PTPRN2: variants seen among roughly 807,000 people sequenced by gnomAD.
PTPRN2 encodes receptor-type tyrosine-protein phosphatase N2.
Under a neutral mutation model 118.8 loss-of-function variants are expected in PTPRN2, and 74 were observed. The ratio of observed to expected loss-of-function variants is 0.62; its 90% CI spans 0.52 to 0.76. PTPRN2 has a LOEUF of 0.76. PTPRN2 is among the 30% of genes least tolerant of loss of function. PTPRN2 has a pLI of 0.00. For missense variants in PTPRN2, 1,481 were observed against 1,394.4 expected, an observed-to-expected ratio of 1.06 and a Z score of -0.99; for synonymous variants, 641 against 608.0, an observed-to-expected ratio of 1.05 and a Z score of -0.80.
intron 9 of PTPRN2, among the ~76,000 whole-genome samples, chr7:158,128,601 G>A (rs1306804563): frequency 1.3e-5 from 2 of 152,168 alleles, no homozygotes; most frequent in African/African-American, 4.8e-5. Context: ...GAAAGTGCGA[G>A]GCTGCTGCAG....
At chr7:158,587,455 G>T in intron 1 of PTPRN2, 103 bp downstream of exon 1, 1 of 275,066 alleles carries the variant, frequency 3.6e-6, no homozygotes, top group Non-Finnish European at 4.1e-6. Flanking sequence ...CGACCCCTCA[G>T]GGTGGCGCCT....
intron 2 of PTPRN2, among the ~76,000 whole-genome samples, chr7:158,383,093 C>T (rs746645021): frequency 6.6e-6 from 1 of 152,106 alleles, no homozygotes; most frequent in Non-Finnish European, 1.5e-5. Flanking sequence ...GACATGATGC[C>T]TGGAGAACAT....
At chr7:158,160,305 G>C (rs1463082333) in intron 6 of PTPRN2, among the ~76,000 whole-genome samples, 1 of 152,134 alleles carries the variant, frequency 6.6e-6, no homozygotes, top group African/African-American at 2.4e-5. Flanking sequence ...GGCGGGCACT[G>C]TCCAAACAGC....
At chr7:157,809,116 G>T (rs1479208408) in intron 12 of PTPRN2, among the ~76,000 whole-genome samples, 1 of 151,988 alleles carries the variant, frequency 6.6e-6, no homozygotes, top group Non-Finnish European at 1.5e-5. Flanking sequence ...CATGAATTTT[G>T]TGGGTACTGT....
At chr7:157,572,154 T>C (rs1397938269) in intron 19 of PTPRN2, among the ~76,000 whole-genome samples, 1 of 152,096 alleles carries the variant, frequency 6.6e-6, no homozygotes, top group Non-Finnish European at 1.5e-5. Context: ...AACCCCTAAA[T>C]CAAAACAGAG....
intron 4 of PTPRN2, among the ~76,000 whole-genome samples, chr7:158,196,119 G>C (rs191331696): frequency 5.3e-5 from 8 of 152,278 alleles, no homozygotes; most frequent in Non-Finnish European, 8.8e-5. Context: ...GCACTATGTC[G>C]CACCCTGTGT....
chr7:158,135,099 G>A (rs1818695380), intron 8 of PTPRN2, among the ~76,000 whole-genome samples: 1 of 152,122 alleles, frequency 6.6e-6, no homozygotes, highest in Admixed American at 6.5e-5. Context: ...GATGCCAAAA[G>A]TCTTATGTCT....
chr7:158,069,464 C>A (rs1811040165), intron 11 of PTPRN2, among the ~76,000 whole-genome samples: 1 of 152,176 alleles, frequency 6.6e-6, no homozygotes, highest in South Asian at 2.1e-4. Context: ...TCCCAAAGTG[C>A]TGGGATGACA....
chr7:158,066,166 G>C (rs1356042914), intron 11 of PTPRN2, among the ~76,000 whole-genome samples: 1 of 152,210 alleles, frequency 6.6e-6, no homozygotes, highest in Non-Finnish European at 1.5e-5. Flanking sequence ...GAGGCTCGGA[G>C]GCATCACAAA....
intron 12 of PTPRN2, among the ~76,000 whole-genome samples, chr7:157,707,767 T>A (rs915042403): frequency 1.1e-4 from 17 of 152,062 alleles, no homozygotes; most frequent in Admixed American, 3.3e-4. Context: ...GCCCAGCTAA[T>A]TTTTGTATTT....
At chr7:157,814,105 A>T (rs901177720) in intron 12 of PTPRN2, among the ~76,000 whole-genome samples, 1 of 152,192 alleles carries the variant, frequency 6.6e-6, no homozygotes, top group Non-Finnish European at 1.5e-5. Flanking sequence ...TGGTGCACGG[A>T]GCCCCTGGGG....
intron 2 of PTPRN2, among the ~76,000 whole-genome samples, chr7:158,482,718 G>C (rs1239285424): frequency 6.6e-6 from 1 of 152,172 alleles, no homozygotes; most frequent in Non-Finnish European, 1.5e-5. Context: ...TCCGAGGTCT[G>C]CCTGTAGATG....
At chr7:157,844,800 G>C (rs1243452330) in intron 12 of PTPRN2, among the ~76,000 whole-genome samples, 5 of 152,244 alleles carry the variant, frequency 3.3e-5, no homozygotes, top group Non-Finnish European at 7.3e-5. Context: ...GGCGCTGCCT[G>C]CATCTGACGA....
Position 157,874,271 on chromosome 7 carries a change from C to T in PTPRN2, c.1788+24402G>A, listed in dbSNP as rs1281425041. Among the ~76,000 whole-genome samples, 1 of 152,192 alleles carries T rather than the reference C, an allele frequency of 6.6e-6. No individual in the cohort carries two copies. Among genetic ancestry groups the T allele is most frequent in the Non-Finnish European group, 1.5e-5 (1 of 68,036 alleles). ...ACACTCCATGGCTCCCCATGGCCTG[C>T]AAATCAGATCACAGCCCCTAAGCCT... On this transcript the variant is annotated intron_variant, in intron 12 of 22. Transcript: ENST00000389418. This position sits in a 1 kb window ranked among gnomAD's most constrained non-coding sequence, Gnocchi z 5.8.
intron 2 of PTPRN2, 48 bp downstream of exon 2, chr7:158,489,687 G>C: frequency 6.5e-7 from 1 of 1,531,748 alleles, no homozygotes; most frequent in South Asian, 1.2e-5. Flanking sequence ...CGCACGGCGG[G>C]CAGGAGAGGG....
intron 11 of PTPRN2, among the ~76,000 whole-genome samples, chr7:157,902,414 C>CATTGTGCTGTGGAGGCACT (rs1451586219): frequency 7.2e-6 from 1 of 138,070 alleles, no homozygotes; most frequent in African/African-American, 2.6e-5. Context: ...TGGGGACCAG[C>CATTGTGCTGTGGAGGCACT]CCCGCGGTGG....
At chr7:157,996,575 C>A (rs1008967857) in intron 11 of PTPRN2, among the ~76,000 whole-genome samples, 2 of 152,200 alleles carry the variant, frequency 1.3e-5, no homozygotes, top group South Asian at 4.1e-4. Flanking sequence ...CCCACCACCC[C>A]GAGGGCCGGT....
At chr7:157,985,239 C>G (rs1226343688) in intron 11 of PTPRN2, among the ~76,000 whole-genome samples, 1 of 152,220 alleles carries the variant, frequency 6.6e-6, no homozygotes, top group Admixed American at 6.5e-5. Context: ...CACAACCAAT[C>G]ACTCTTTTTT....
Position 158,192,379 on chromosome 7 carries a change from G to T in PTPRN2, c.497C>A (p.Ala166Asp). 1 of 1,528,228 alleles carries T rather than the reference G, an allele frequency of 6.5e-7. No homozygotes were observed. The highest frequency in any genetic ancestry group is 8.7e-7 in the Non-Finnish European group (1 of 1,149,494). The allele number at this position is 1,528,228 out of a possible 1,614,324, so 94.7% of individuals were successfully genotyped here. ...ATGGGTCCTGGCGAGCACGTCTGAG[G>T]CTGGGGCCTGGGACAGGGCCTCCAG... ...PFLEALSQAP[A>D]SDVLARTHTA... is the part of the protein sequence containing the mutation. Residue 166 changes from alanine to aspartate, a missense_variant, in exon 5 of 23, where the codon GCC (alanine) becomes GAC (aspartate). Coordinates refer to ENST00000389418, the MANE Select transcript of PTPRN2 (RefSeq NM_002847.5).
Sources: gnomAD v4.1 joint callset for allele counts (sites outside exome capture counted in the v4.1 genomes callset) on GRCh38, gnomAD v4.1.1 for gene constraint, Gnocchi (gnomAD v3.1) non-coding constraint, MANE v1.5 for transcripts, NCBI Gene and HGNC (gene_info 2026-07-23, HGNC 2026-07-21) for gene names.